NRF1: variants seen among roughly 807,000 people sequenced by gnomAD.
The protein encoded by NRF1 is alpha palindromic-binding protein.
A neutral mutation model predicts 58.5 loss-of-function variants in NRF1; 5 were observed. That is an observed-to-expected ratio of 0.09 (90% confidence interval 0.04 to 0.18). NRF1 has a LOEUF of 0.18. Among genes scored for constraint, NRF1 ranks in the 10% least tolerant of loss-of-function variants. The pLI, the probability that NRF1 is intolerant of heterozygous loss-of-function variation, is 1.00. For missense variants in NRF1, 288 were observed against 657.7 expected, an observed-to-expected ratio of 0.44 and a Z score of 6.15; for synonymous variants, 224 against 246.7, an observed-to-expected ratio of 0.91 and a Z score of 0.86.
chr7:129,680,947 A>G (rs1032430034), intron 4 of NRF1, among the ~76,000 whole-genome samples: 2 of 152,218 alleles, frequency 1.3e-5, no homozygotes, highest in African/African-American at 4.8e-5. Context: ...AAACTAAATA[A>G]TGACCCCCAG....
At chr7:129,704,443 A>G (rs574097130) in intron 5 of NRF1, among the ~76,000 whole-genome samples, 2 of 152,096 alleles carry the variant, frequency 1.3e-5, no homozygotes, top group South Asian at 4.2e-4. Context: ...TAAATTCCCT[A>G]TTTTCCCTGA....
intron 10 of NRF1, among the ~76,000 whole-genome samples, chr7:129,747,379 C>G (rs576725332): frequency 6.6e-6 from 1 of 152,136 alleles, no homozygotes; most frequent in Non-Finnish European, 1.5e-5. Flanking sequence ...TCTTTGAAGG[C>G]CTTTGGTGAA....
At chr7:129,713,183 G>A (rs899886719) in intron 8 of NRF1, among the ~76,000 whole-genome samples, 1 of 141,628 alleles carries the variant, frequency 7.1e-6, no homozygotes, top group Admixed American at 7.5e-5. Context: ...TGCAACCTCC[G>A]CCTCCCAGGT....
intron 1 of NRF1, among the ~76,000 whole-genome samples, chr7:129,647,030 G>A (rs1329265902): frequency 2.6e-5 from 4 of 152,088 alleles, no homozygotes; most frequent in Non-Finnish European, 5.9e-5. Flanking sequence ...TGAGCTTACA[G>A]TATTTTCTTT....
At chr7:129,694,244 A>C (rs1377862529) in intron 5 of NRF1, among the ~76,000 whole-genome samples, 1 of 152,226 alleles carries the variant, frequency 6.6e-6, no homozygotes, top group Admixed American at 6.5e-5. Context: ...CCCAGCTCCC[A>C]ATTGAATGGG....
At chr7:129,677,384 G>T (rs187050887) in intron 3 of NRF1, among the ~76,000 whole-genome samples, 5 of 152,144 alleles carry the variant, frequency 3.3e-5, no homozygotes, top group Non-Finnish European at 7.3e-5. Flanking sequence ...ATGATACCAT[G>T]TTCAAAATTG....
rs563577265 is a variant in NRF1, at chr7:129,660,875, C to T, written c.223+3301C>T. On this transcript the variant is annotated intron_variant, in intron 2 of 10. Coordinates refer to ENST00000393232, the MANE Select transcript of NRF1 (RefSeq NM_005011.5). ...CCGAAGGGACTCTGTGTGAGGTCTC[C>T]GACCCAACCCCACATTTCCCTTACA... Among the ~76,000 whole-genome samples, 98 of 151,132 alleles carry T rather than the reference C, an allele frequency of 6.5e-4. 1 individual carries two copies. The highest frequency in any genetic ancestry group is 1.1e-3 in the Non-Finnish European group (74 of 68,014).
At chr7:129,614,650 C>T (rs548893571) in intron 1 of NRF1, among the ~76,000 whole-genome samples, 19 of 151,886 alleles carry the variant, frequency 1.3e-4, no homozygotes, top group East Asian at 9.7e-4. Flanking sequence ...AAATTTAGCT[C>T]CTGTGTTAAG....
chr7:129,634,577 A>G (rs1274828642), intron 1 of NRF1, among the ~76,000 whole-genome samples: 8 of 152,208 alleles, frequency 5.3e-5, no homozygotes, highest in Non-Finnish European at 1.2e-4. Flanking sequence ...CAAGTTGTTT[A>G]TCATTCACAT....
chr7:129,719,543 C>CACAA lies in NRF1; in HGVS notation c.1223+2168_1223+2169insCAAA, dbSNP rs1255895761. 1.6e-4 allele frequency among the ~76,000 whole-genome samples: 23 copies of CACAA among 142,170 alleles called. 1 individual carries two copies. Among genetic ancestry groups the CACAA allele is most frequent in the African/African-American group, 4.0e-4 (15 of 37,756 alleles). The allele number at this position is 142,170 out of a possible 152,430, so 93.3% of individuals were successfully genotyped here. A position where few individuals can be genotyped will look rare whatever the true frequency, so the allele number is the denominator to read the frequency against. On this transcript the variant is annotated intron_variant, in intron 9 of 10. Transcript: ENST00000393232. ...ACACACACACACACACACACACACA[C>CACAA]AACACATCTTCTCAGAGTTACCTAG...
intron 2 of NRF1, among the ~76,000 whole-genome samples, chr7:129,658,588 G>A (rs1263878681): frequency 6.9e-6 from 1 of 144,238 alleles, no homozygotes; most frequent in African/African-American, 2.6e-5. Context: ...GAGAGCCTGT[G>A]TCCAGTTGAA....
chr7:129,706,573 T>A (rs1179395559), intron 5 of NRF1, among the ~76,000 whole-genome samples: 1 of 152,158 alleles, frequency 6.6e-6, no homozygotes, highest in African/African-American at 2.4e-5. Flanking sequence ...GTTTTCTACT[T>A]GCTAAGATAA....
At chr7:129,614,725 A>G (rs543504359) in intron 1 of NRF1, among the ~76,000 whole-genome samples, 10 of 152,306 alleles carry the variant, frequency 6.6e-5, no homozygotes, top group Admixed American at 3.3e-4. Flanking sequence ...TTTAAAGGAG[A>G]AAGGATTTCA....
intron 4 of NRF1, 57 bp from the exon 5 acceptor site, chr7:129,690,349 A>T (rs1358240825): frequency 2.5e-6 from 4 of 1,576,456 alleles, no homozygotes; most frequent in Admixed American, 1.7e-5. Context: ...GTTGCTTGGC[A>T]CCAATCCTCC....
In NRF1 at chr7:129,671,466, A is replaced by G. The variant is rs751783367; in HGVS notation, c.261A>G (p.Thr87=). Residue 87 remains threonine, a synonymous_variant, in exon 3 of 11, where the codon ACA becomes ACG. Coordinates refer to ENST00000393232, the MANE Select transcript of NRF1 (RefSeq NM_005011.5). Reference sequence around the variant, plus strand: ...TGGCCGCTGCTGCTGCTGTGGCAACAGGAAAGAAACGGAAACGGCCTCATG... The same window carrying G: ...TGGCCGCTGCTGCTGCTGTGGCAACGGGAAAGAAACGGAAACGGCCTCATG... ...VGMAAAAAVA[T]GKKRKRPHVF... is the part of the protein sequence containing the mutation. 1 of 1,614,092 alleles carries G rather than the reference A, an allele frequency of 6.2e-7. No homozygotes were observed. Among genetic ancestry groups the G allele is most frequent in the Non-Finnish European group, 8.5e-7 (1 of 1,179,940 alleles).
rs1406416921 is a variant in NRF1, at chr7:129,731,276, A to G, written c.1348+3911A>G. On this transcript the variant is annotated intron_variant, in intron 10 of 10. Transcript: ENST00000393232. ...ACAGAGCAAGACTCCGTCTTGAAAA[A>G]AAAAAAAAAAAAGGTAATGACCCAT... Among the ~76,000 whole-genome samples the G allele has an allele frequency of 2.0e-5, 3 of 151,872 alleles. No individual in the cohort carries two copies. The East Asian group carries it at 5.8e-4, about 29-fold the overall frequency.
chr7:129,654,389 A>C (rs984799388), intron 1 of NRF1, among the ~76,000 whole-genome samples: 10 of 152,080 alleles, frequency 6.6e-5, no homozygotes, highest in African/African-American at 2.4e-4. Context: ...TTTTACAACT[A>C]TTTCCTCCCT....
At chr7:129,686,655 A>C (rs1353184997) in intron 4 of NRF1, among the ~76,000 whole-genome samples, 1 of 152,256 alleles carries the variant, frequency 6.6e-6, no homozygotes. Flanking sequence ...GTAAGTGCTC[A>C]ATAAACGGTG....
At chr7:129,734,977 G>A in intron 10 of NRF1, 1 of 829,748 alleles carries the variant, frequency 1.2e-6, no homozygotes, top group East Asian at 1.2e-4. Context: ...GTGGATCCTG[G>A]GGAAAGGGTC....
Sources: gnomAD v4.1 joint callset for allele counts (sites outside exome capture counted in the v4.1 genomes callset) on GRCh38, gnomAD v4.1.1 for gene constraint, MANE v1.5 for transcripts, NCBI Gene and HGNC (gene_info 2026-07-23, HGNC 2026-07-21) for gene names.